Variants in PDXDC1 observed in about 807,000 individuals in gnomAD.
PDXDC1 encodes the protein pyridoxal-dependent decarboxylase domain-containing protein 1.
PDXDC1 carries 42 observed loss-of-function variants against 100.1 expected under a neutral mutation model. The observed-to-expected ratio is 0.42, with a 90% CI of 0.33 to 0.54. The LOEUF is 0.54. Among genes scored for constraint, PDXDC1 ranks in the 20% least tolerant of loss-of-function variants. The probability of loss-of-function intolerance (pLI) is 0.10; values close to 1 mark genes in which losing one functional copy is unlikely to be tolerated. For synonymous variants in PDXDC1, 260 were observed against 371.7 expected, an observed-to-expected ratio of 0.70 and a Z score of 3.46; for missense variants, 636 against 979.2, an observed-to-expected ratio of 0.65 and a Z score of 4.68.
At chr16:15,005,474 T>G (rs1249233088) in intron 5 of PDXDC1, among the ~76,000 whole-genome samples, 2 of 152,270 alleles carry the variant, frequency 1.3e-5, no homozygotes, top group Admixed American at 1.3e-4. Context: ...GTTACTTTTA[T>G]GGAGAAGGAA....
rs2045016313 is a variant in PDXDC1 at position 15,067,175 on chromosome 16, A to G, written c.1399+37119A>G. ...ACCAGACGCCTAGCAAAGGAGAACT[A>G]AAGAGGCTGACGGAGCTCAGCAAGC... On this transcript the variant is annotated intron_variant, in intron 16 of 16. Transcript: ENST00000535621. Among the ~76,000 whole-genome samples the G allele has an allele frequency of 2.6e-5, 4 of 151,850 alleles. No individual in the cohort carries two copies. In the South Asian group the frequency reaches 8.3e-4, roughly 32 times the overall value.
At chr16:15,024,167 TC>T (rs1156935444) in intron 13 of PDXDC1, among the ~76,000 whole-genome samples, 2 of 152,264 alleles carry the variant, frequency 1.3e-5, no homozygotes, top group Non-Finnish European at 2.9e-5. Flanking sequence ...TGTCCCTTCT[TC>T]CAATGGCTGT....
chr16:15,142,449 A>G (rs1443434165), downstream of PDXDC1, among the ~76,000 whole-genome samples: 1 of 151,966 alleles, frequency 6.6e-6, no homozygotes, highest in Non-Finnish European at 1.5e-5. Flanking sequence ...CCGAGCTCCC[A>G]GGGCCCAGGG....
intron 14 of PDXDC1, among the ~76,000 whole-genome samples, chr16:15,027,120 C>G (rs547381549): frequency 6.6e-6 from 1 of 152,412 alleles, no homozygotes; most frequent in Admixed American, 6.5e-5. Flanking sequence ...TGTCAACTGA[C>G]CTCTGACTTT....
chr16:14,986,643 TG>T (rs1969439947), intron 1 of PDXDC1, among the ~76,000 whole-genome samples: 1 of 152,300 alleles, frequency 6.6e-6, no homozygotes, highest in Admixed American at 6.5e-5. Context: ...TTTATGAATT[TG>T]TAGAGAGGTA....
intron 16 of PDXDC1, among the ~76,000 whole-genome samples, chr16:15,099,471 A>G (rs1193341580): frequency 6.6e-6 from 1 of 151,808 alleles, no homozygotes; most frequent in Non-Finnish European, 1.5e-5. Context: ...TTAAAACTAA[A>G]TGCATAATTT....
At chr16:15,135,127 G>A (rs2048287078) in intron 16 of PDXDC1, 5 of 674,388 alleles carry the variant, frequency 7.4e-6, no homozygotes, top group Admixed American at 2.1e-5. Context: ...AGGAAGCAAA[G>A]CTGAAGCAGG....
At chr16:14,980,003 G>A (rs1030434820) in intron 1 of PDXDC1, among the ~76,000 whole-genome samples, 1 of 152,296 alleles carries the variant, frequency 6.6e-6, no homozygotes, top group African/African-American at 2.4e-5. Flanking sequence ...ATGTTACAAT[G>A]TGAGGGTTTT....
intron 16 of PDXDC1, among the ~76,000 whole-genome samples, chr16:15,084,969 A>C (rs892463231): frequency 6.6e-6 from 1 of 152,210 alleles, no homozygotes; most frequent in African/African-American, 2.4e-5. Context: ...AGGAGGCTGA[A>C]GCAGGAGAAC....
In PDXDC1 at chr16:15,135,668, G is replaced by T; in HGVS notation, c.1400-3211G>T. On this transcript the variant is annotated intron_variant, in intron 16 of 16. Transcript: ENST00000535621. Reference sequence around the variant, plus strand: ...ACTGACCTGTGTCGAAGCCACACAGGCCCACTGGAAACTGAGCGGCGTCTG... The same window carrying T: ...ACTGACCTGTGTCGAAGCCACACAGTCCCACTGGAAACTGAGCGGCGTCTG... The T allele has an allele frequency of 1.9e-6, 3 of 1,595,104 alleles. No homozygotes were observed. The East Asian group carries it at 6.7e-5, about 36-fold the overall frequency.
At position 14,975,921 on chromosome 16, in the gene PDXDC1, G is replaced by A. The variant is rs572142276; in HGVS notation, c.21+701G>A. ...CGTAGATTGCGAATTGAGTTTTGGG[G>A]ATCGCAGCTGCTCCACAACTTCCTG... On this transcript the variant is annotated intron_variant, in intron 1 of 22. Transcript: ENST00000396410. Among the ~76,000 whole-genome samples, 3 of 152,420 alleles carry A rather than the reference G, an allele frequency of 2.0e-5. No individual in the cohort carries two copies. In the East Asian group the frequency reaches 5.8e-4, roughly 29 times the overall value.
chr16:15,094,087 T>C (rs1426981663), intron 16 of PDXDC1: 10 of 1,472,588 alleles, frequency 6.8e-6, no homozygotes, highest in Admixed American at 3.9e-5. Flanking sequence ...TCCGCTCCTC[T>C]AAGCGCCGTC....
chr16:15,130,573 C>A (rs1235517738), intron 16 of PDXDC1: 3 of 1,372,120 alleles, frequency 2.2e-6, no homozygotes, highest in African/African-American at 1.4e-5. Flanking sequence ...GGGCCTGTAA[C>A]CCGGGCAATG....
At chr16:14,978,919 A>T (rs187213969) in intron 1 of PDXDC1, among the ~76,000 whole-genome samples, 1 of 152,410 alleles carries the variant, frequency 6.6e-6, no homozygotes, top group Non-Finnish European at 1.5e-5. Context: ...GCATGGCAGC[A>T]TGCTTAGCAG....
At chr16:15,013,038 T>C (rs1437657568) in intron 8 of PDXDC1, among the ~76,000 whole-genome samples, 3 of 152,186 alleles carry the variant, frequency 2.0e-5, no homozygotes, top group African/African-American at 7.2e-5. Context: ...GGTGTGGTGG[T>C]GGGCACCTGT....
chr16:15,146,155 C>A, the PDXDC1 span, among the ~76,000 whole-genome samples: 1 of 152,186 alleles, frequency 6.6e-6, no homozygotes, highest in African/African-American at 2.4e-5. Flanking sequence ...ACACGTGGGC[C>A]AGGATGGCAG....
intron 16 of PDXDC1, chr16:15,128,108 T>G: frequency 1.2e-6 from 2 of 1,609,192 alleles, no homozygotes; most frequent in Non-Finnish European, 1.7e-6. Flanking sequence ...GATGATGACG[T>G]GCTGCAGGAA....
intron 16 of PDXDC1, chr16:15,103,492 T>G (rs1413697049): frequency 5.1e-6 from 3 of 593,002 alleles, no homozygotes; most frequent in Non-Finnish European, 9.0e-6. Context: ...GTATATCTAA[T>G]GTAAGTGATA....
At chr16:15,128,412 G>A (rs2047871411) in intron 16 of PDXDC1, 1 of 1,403,548 alleles carries the variant, frequency 7.1e-7, no homozygotes, top group Non-Finnish European at 1.0e-6. Flanking sequence ...AGGGAGGGGT[G>A]GGAGGCTCGG....
Sources: allele counts gnomAD v4.1 joint callset (sites outside exome capture counted in the v4.1 genomes callset), GRCh38; gene constraint gnomAD v4.1.1; transcripts MANE v1.5; gene names NCBI Gene and HGNC (gene_info 2026-07-23, HGNC 2026-07-21).